Variants in ELP4 observed in about 807,000 individuals in gnomAD.
ELP4 encodes elongator complex protein 4.
ELP4 carries 51 observed loss-of-function variants against 48.9 expected under a neutral mutation model. The ratio of observed to expected loss-of-function variants is 1.04; its 90% CI spans 0.83 to 1.32. The LOEUF (loss-of-function observed/expected upper bound fraction) is 1.32, where lower values mean the gene tolerates loss of function less well. ELP4 is among the 40% of genes most tolerant of loss of function. The pLI is 0.00. For synonymous variants in ELP4, 210 were observed against 189.2 expected, an observed-to-expected ratio of 1.11 and a Z score of -0.90; for missense variants, 519 against 514.6, an observed-to-expected ratio of 1.01 and a Z score of -0.08.
chr11:31,538,111 G>A (rs2996470), intron 2 of ELP4, among the ~76,000 whole-genome samples: 54,574 of 151,334 alleles, frequency 0.36, 12,109 homozygotes, highest in African/African-American at 0.63. Context: ...ATTGCAGGTG[G>A]GATTTCTAAA....
chr11:31,550,480 T>C (rs1272625791), intron 3 of ELP4, among the ~76,000 whole-genome samples: 1 of 152,206 alleles, frequency 6.6e-6, no homozygotes, highest in Non-Finnish European at 1.5e-5. Flanking sequence ...TTGTGAGTGA[T>C]GATACCAGCC....
At chr11:31,522,831 A>G (rs1401093768) in intron 2 of ELP4, among the ~76,000 whole-genome samples, 1 of 151,374 alleles carries the variant, frequency 6.6e-6, no homozygotes, top group East Asian at 1.9e-4. Context: ...CAGTCCAATT[A>G]GATTAGATTA....
chr11:31,713,503 G>A (rs1946783142), intron 9 of ELP4, among the ~76,000 whole-genome samples: 1 of 152,054 alleles, frequency 6.6e-6, no homozygotes, highest in African/African-American at 2.4e-5. Context: ...TCTTTACTGA[G>A]CAATGGTAAA....
chr11:31,699,276 G>A (rs1167597309), intron 9 of ELP4, among the ~76,000 whole-genome samples: 1 of 152,088 alleles, frequency 6.6e-6, no homozygotes, highest in Non-Finnish European at 1.5e-5. Flanking sequence ...TAAAATTTGT[G>A]CCAGAAAGTA....
At chr11:31,534,034 C>T (rs1956456120) in intron 2 of ELP4, among the ~76,000 whole-genome samples, 1 of 151,786 alleles carries the variant, frequency 6.6e-6, no homozygotes, top group Admixed American at 6.6e-5. Flanking sequence ...AGACGGGTTT[C>T]ACCATGTTAG....
Position 31,627,197 on chromosome 11 carries a change from A to G in ELP4, c.738+3A>G. The stretch of plus-strand genomic sequence containing the variant: ...GATTTGATGGATCCAATCCTCAGGT[A>G]TTAAATAGCTTCAAAGTCTTTTATA... On this transcript the variant is annotated splice_donor_region_variant and intron_variant, in intron 6 of 9. Transcript: ENST00000640961. The G allele has an allele frequency of 7.3e-7, 1 of 1,365,360 alleles. No homozygotes were observed. Among genetic ancestry groups the G allele is most frequent in the African/African-American group, 1.6e-5 (1 of 63,274 alleles). The allele number at this position is 1,365,360 out of a possible 1,614,324, so 84.6% of individuals were successfully genotyped here.
intron 5 of ELP4, among the ~76,000 whole-genome samples, chr11:31,609,874 AAAAC>A (rs1389617438): frequency 2.0e-5 from 3 of 152,062 alleles, no homozygotes; most frequent in Non-Finnish European, 4.4e-5. Context: ...TGTCTCTACA[AAAAC>A]AAACAAACAA....
chr11:31,550,134 T>TA (rs923276909), intron 3 of ELP4, among the ~76,000 whole-genome samples: 43 of 145,626 alleles, frequency 3.0e-4, no homozygotes, highest in East Asian at 1.0e-3. Context: ...AGTATAATAA[T>TA]AAAAAAAAAA....
chr11:31,555,521 T>A (rs1188989001), intron 3 of ELP4, among the ~76,000 whole-genome samples: 2 of 151,888 alleles, frequency 1.3e-5, no homozygotes, highest in African/African-American at 2.4e-5. Context: ...ACACTGTGAT[T>A]AGAAGAATAA....
chr11:31,672,401 T>C (rs909710456), intron 9 of ELP4, among the ~76,000 whole-genome samples: 3 of 152,200 alleles, frequency 2.0e-5, no homozygotes, highest in Admixed American at 2.0e-4. Context: ...GATTTTGTTA[T>C]AATGGCATTT....
At chr11:31,668,674 C>CTGTGTGTGTGTG (rs1565103524) in intron 9 of ELP4, among the ~76,000 whole-genome samples, 2 of 37,388 alleles carry the variant, frequency 5.3e-5, no homozygotes, top group East Asian at 3.2e-3. Flanking sequence ...TCCTTTGGTA[C>CTGTGTGTGTGTG]CGTGTGTGTG....
intron 9 of ELP4, chr11:31,653,798 G>T (rs1287130132): frequency 1.3e-5 from 2 of 151,698 alleles, no homozygotes; most frequent in African/African-American, 4.8e-5. Context: ...AGTACATGGC[G>T]TCACTTCCAA....
At chr11:31,585,443 A>G (rs1957456292) in intron 3 of ELP4, among the ~76,000 whole-genome samples, 1 of 152,058 alleles carries the variant, frequency 6.6e-6, no homozygotes, top group African/African-American at 2.4e-5. Flanking sequence ...ATTAAAAAAA[A>G]AAAAAAGATT....
At chr11:31,579,164 G>A (rs189608759) in intron 3 of ELP4, among the ~76,000 whole-genome samples, 22 of 152,254 alleles carry the variant, frequency 1.4e-4, no homozygotes, top group South Asian at 4.1e-4. Flanking sequence ...CATTTATGCA[G>A]CCAACAGACA....
At chr11:31,606,661 A>C (rs550715896) in intron 5 of ELP4, among the ~76,000 whole-genome samples, 1 of 152,300 alleles carries the variant, frequency 6.6e-6, no homozygotes, top group South Asian at 2.1e-4. Context: ...ATATTTCACT[A>C]TTACAAATCA....
intron 5 of ELP4, among the ~76,000 whole-genome samples, chr11:31,609,213 G>A (rs901275053): frequency 3.3e-5 from 5 of 152,132 alleles, no homozygotes; most frequent in African/African-American, 4.8e-5. Flanking sequence ...TTGTGCCCTT[G>A]GGTGCTATTG....
intron 3 of ELP4, among the ~76,000 whole-genome samples, chr11:31,584,231 T>G (rs1337820624): frequency 6.6e-6 from 1 of 151,972 alleles, no homozygotes; most frequent in Non-Finnish European, 1.5e-5. Context: ...ACTTGTTTAC[T>G]TTCTCATTTC....
At chr11:31,540,492 T>G (rs1956574975) in intron 3 of ELP4, among the ~76,000 whole-genome samples, 1 of 152,182 alleles carries the variant, frequency 6.6e-6, no homozygotes, top group South Asian at 2.1e-4. Flanking sequence ...ATTTTTTTTC[T>G]TTTAATTTTG....
At chr11:31,632,484 G>A in intron 7 of ELP4, 79 bp downstream of exon 7, 1 of 1,133,572 alleles carries the variant, frequency 8.8e-7, no homozygotes, top group Non-Finnish European at 1.2e-6. Context: ...GCATTTCCAT[G>A]ATAACTAATG....
Sources: gnomAD v4.1 joint callset for allele counts (sites outside exome capture counted in the v4.1 genomes callset) on GRCh38, gnomAD v4.1.1 for gene constraint, MANE v1.5 for transcripts, NCBI Gene and HGNC (gene_info 2026-07-23, HGNC 2026-07-21) for gene names.